PRKG2: variants seen among roughly 807,000 people sequenced by gnomAD.
PRKG2 encodes cGMP-dependent protein kinase 2.
PRKG2 carries 33 observed loss-of-function variants against 97.2 expected under a neutral mutation model. That is an observed-to-expected ratio of 0.34 (90% CI 0.26 to 0.45). PRKG2 has a LOEUF of 0.45. Among genes scored for constraint, PRKG2 ranks in the 20% least tolerant of loss-of-function variants. PRKG2 has a pLI of 1.00. For missense variants in PRKG2, 638 were observed against 900.0 expected (o/e 0.71, Z 3.73); for synonymous variants, 330 against 321.8 (o/e 1.03, Z -0.27).
At chr4:81,145,429 C>T (rs1478667720) in intron 9 of PRKG2, among the ~76,000 whole-genome samples, 1 of 152,152 alleles carries the variant, frequency 6.6e-6, no homozygotes, top group African/African-American at 2.4e-5. Flanking sequence ...AGATAACTCT[C>T]TCCATTTCAC....
intron 11 of PRKG2, 92 bp downstream of exon 11, chr4:81,142,702 C>A (rs1418593074): frequency 1.5e-6 from 2 of 1,363,722 alleles, no homozygotes. Context: ...ATAGCAGTAA[C>A]AATTCATATA....
chr4:81,119,570 A>G (rs1027849825), intron 14 of PRKG2, among the ~76,000 whole-genome samples: 3 of 152,064 alleles, frequency 2.0e-5, no homozygotes, highest in Admixed American at 6.5e-5. Context: ...TTTTCCTTCA[A>G]TGTTACATTG....
At chr4:81,133,282 T>C (rs1746352432) in intron 14 of PRKG2, among the ~76,000 whole-genome samples, 1 of 152,184 alleles carries the variant, frequency 6.6e-6, no homozygotes, top group Non-Finnish European at 1.5e-5. Flanking sequence ...TAATCTGTCA[T>C]TACAAATTTG....
chr4:81,105,535 T>C (rs1329433539), intron 16 of PRKG2, among the ~76,000 whole-genome samples: 1 of 152,164 alleles, frequency 6.6e-6, no homozygotes, highest in African/African-American at 2.4e-5. Flanking sequence ...TTATGGTTTA[T>C]TTTGCTCTCT....
chr4:81,106,411 T>C (rs977437452), intron 15 of PRKG2, among the ~76,000 whole-genome samples: 1 of 151,538 alleles, frequency 6.6e-6, no homozygotes, highest in Non-Finnish European at 1.5e-5. Flanking sequence ...GTGTGGCTGG[T>C]GGAGTGAGGA....
At chr4:81,098,640 G>A (rs932205886) in intron 17 of PRKG2, among the ~76,000 whole-genome samples, 2 of 152,072 alleles carry the variant, frequency 1.3e-5, no homozygotes, top group Non-Finnish European at 2.9e-5. Context: ...TGTGTCTCAG[G>A]AAATAGGGAG....
chr4:81,119,678 AT>A (rs201642317), intron 14 of PRKG2, among the ~76,000 whole-genome samples: 15,703 of 143,756 alleles, frequency 0.11, 881 homozygotes, highest in Middle Eastern at 0.22. Context: ...ACTGAATTGA[AT>A]TTTTTTTTTT....
At chr4:81,159,965 G>T (rs1412574648) in intron 6 of PRKG2, among the ~76,000 whole-genome samples, 3 of 123,822 alleles carry the variant, frequency 2.4e-5, no homozygotes, top group African/African-American at 6.0e-5. Context: ...ATTGTGGGGT[G>T]GGGGGAGGGG....
At chr4:81,093,419 C>T (rs1741797987) in intron 17 of PRKG2, among the ~76,000 whole-genome samples, 1 of 150,480 alleles carries the variant, frequency 6.6e-6, no homozygotes, top group South Asian at 2.1e-4. Flanking sequence ...TTCTTATCCT[C>T]CTTCCCTACT....
intron 2 of PRKG2, among the ~76,000 whole-genome samples, chr4:81,196,910 G>C (rs2110120247): frequency 6.6e-6 from 1 of 152,250 alleles, no homozygotes; most frequent in East Asian, 1.9e-4. Flanking sequence ...TTAGTTAAAG[G>C]ATAGATACAA....
At chr4:81,170,849 C>A (rs1312139662) in intron 4 of PRKG2, among the ~76,000 whole-genome samples, 2 of 151,958 alleles carry the variant, frequency 1.3e-5, no homozygotes, top group East Asian at 3.9e-4. Context: ...ATGGTCAGAA[C>A]CTCGTTGAGA....
In PRKG2 at chr4:81,155,590, T is replaced by C. The variant is rs1271121461; in HGVS notation, c.913-1869A>G. Among the ~76,000 whole-genome samples the C allele has an allele frequency of 6.6e-5, 10 of 151,832 alleles. No homozygotes were observed. The South Asian group carries it at 2.1e-3, about 32-fold the overall frequency. Reference sequence around the variant, plus strand: ...GGAAATACAGAGAACGCCACAAAGATACTCCTCGAGAAGAGCAACACCAAG... The same window carrying C: ...GGAAATACAGAGAACGCCACAAAGACACTCCTCGAGAAGAGCAACACCAAG... On this transcript the variant is annotated intron_variant, in intron 6 of 18. Coordinates refer to ENST00000264399, the MANE Select transcript of PRKG2 (RefSeq NM_006259.3).
At chr4:81,172,584 A>G (rs917504878) in intron 3 of PRKG2, among the ~76,000 whole-genome samples, 2 of 152,188 alleles carry the variant, frequency 1.3e-5, no homozygotes, top group African/African-American at 4.8e-5. Flanking sequence ...CATCCCCTTC[A>G]CTATTTTTCT....
chr4:81,175,362 A>G (rs1750834684), intron 2 of PRKG2: 2 of 154,910 alleles, frequency 1.3e-5, no homozygotes, highest in African/African-American at 4.8e-5. Flanking sequence ...TCATGTATGC[A>G]TAGTGCCTAC....
chr4:81,131,207 C>T (rs1746143546), intron 14 of PRKG2, among the ~76,000 whole-genome samples: 1 of 149,340 alleles, frequency 6.7e-6, no homozygotes. Context: ...CCTCACAGCA[C>T]AGTCCCTCAT....
intron 14 of PRKG2, among the ~76,000 whole-genome samples, chr4:81,117,435 C>A (rs1319700701): frequency 6.6e-6 from 1 of 152,082 alleles, no homozygotes; most frequent in Non-Finnish European, 1.5e-5. Context: ...ATACCACTGA[C>A]TTTTGAGAGT....
chr4:81,114,043 G>A (rs2109988165), intron 14 of PRKG2, among the ~76,000 whole-genome samples: 1 of 152,182 alleles, frequency 6.6e-6, no homozygotes, highest in African/African-American at 2.4e-5. Context: ...TAGAAGGTGG[G>A]CGAGATGAAG....
At chr4:81,093,360 A>AC (rs1741781646) in intron 17 of PRKG2, among the ~76,000 whole-genome samples, 21 of 116,378 alleles carry the variant, frequency 1.8e-4, no homozygotes, top group African/African-American at 4.0e-4. Flanking sequence ...CTCCCCCACC[A>AC]ACACACACAC....
At chr4:81,140,784 T>C (rs1447806517) in intron 11 of PRKG2, 115 bp from the exon 12 acceptor site, 1 of 830,748 alleles carries the variant, frequency 1.2e-6, no homozygotes, top group Non-Finnish European at 1.8e-6. Context: ...CTTAGCCACT[T>C]ATCCCTTTGA....
Sources: gnomAD v4.1 joint callset for allele counts (sites outside exome capture counted in the v4.1 genomes callset) on GRCh38, gnomAD v4.1.1 for gene constraint, MANE v1.5 for transcripts, NCBI Gene and HGNC (gene_info 2026-07-23, HGNC 2026-07-21) for gene names.